The following ATAD1 variants were observed in gnomAD, a reference collection of about 807,000 sequenced individuals.
ATAD1 encodes outer mitochondrial transmembrane helix translocase.
ATAD1 carries 18 observed loss-of-function variants against 42.7 expected under a neutral mutation model. The observed-to-expected ratio is 0.42, with a 90% CI of 0.29 to 0.63. The LOEUF (loss-of-function observed/expected upper bound fraction) is 0.63, where lower values mean the gene tolerates loss of function less well. Among genes scored for constraint, ATAD1 ranks in the 20% least tolerant of loss-of-function variants. ATAD1 has a pLI of 0.19. For missense variants in ATAD1, 294 were observed against 440.4 expected (o/e 0.67, Z 2.98); for synonymous variants, 132 against 143.1 (o/e 0.92, Z 0.55).
At chr10:87,803,389 G>C (rs540771529) in intron 2 of ATAD1, among the ~76,000 whole-genome samples, 3 of 152,320 alleles carry the variant, frequency 2.0e-5, no homozygotes, top group African/African-American at 4.8e-5. Flanking sequence ...TCACTAAAGG[G>C]AAAAGTCAAG....
chr10:87,759,731 C>CTT (rs990173507), intron 8 of ATAD1: 1 of 455,346 alleles, frequency 2.2e-6, no homozygotes, highest in African/African-American at 2.0e-5. Context: ...TCCATCACTT[C>CTT]TTTGTGTAAT....
At chr10:87,824,267 A>G (rs1440662211) in intron 1 of ATAD1, among the ~76,000 whole-genome samples, 2 of 150,558 alleles carry the variant, frequency 1.3e-5, no homozygotes. Context: ...GTCCAAAGGT[A>G]TGACATACGA....
At chr10:87,799,232 T>C (rs1216548141) in intron 2 of ATAD1, among the ~76,000 whole-genome samples, 1 of 152,230 alleles carries the variant, frequency 6.6e-6, no homozygotes, top group Non-Finnish European at 1.5e-5. Context: ...CCCTGCAAAA[T>C]ACTATTAAGG....
At chr10:87,820,774 C>T (rs1404860402), upstream of ATAD1, among the ~76,000 whole-genome samples, 1 of 152,186 alleles carries the variant, frequency 6.6e-6, no homozygotes, top group Non-Finnish European at 1.5e-5. Flanking sequence ...AAGAAACCTT[C>T]CATGTCTGGG....
chr10:87,790,317 A>G lies in ATAD1; in HGVS notation c.375T>C (p.Pro125=). Residue 125 remains proline, a synonymous_variant, in exon 4 of 10, where the codon CCT becomes CCC. Transcript: ENST00000680024. ...TATATACCTTTACCATACCTTTTGG[A>G]GGCTGCAGAAGCCTGGAATTCTCAA... ...HLFENSRLLQ[P]PKGVLLYGPP... is the part of the protein sequence containing the mutation. 1 of 1,610,938 alleles carries G rather than the reference A, an allele frequency of 6.2e-7. No individual in the cohort carries two copies. The highest frequency in any genetic ancestry group is 8.5e-7 in the Non-Finnish European group (1 of 1,179,278).
intron 9 of ATAD1, among the ~76,000 whole-genome samples, chr10:87,756,305 A>G (rs1854220261): frequency 6.6e-6 from 1 of 152,208 alleles, no homozygotes; most frequent in Non-Finnish European, 1.5e-5. Context: ...CCTTTAGGAC[A>G]TGGTTCACCA....
chr10:87,812,075 G>A (rs1445618715), intron 2 of ATAD1, among the ~76,000 whole-genome samples: 1 of 151,902 alleles, frequency 6.6e-6, no homozygotes, highest in East Asian at 1.9e-4. Flanking sequence ...CATTCCTTTT[G>A]TCACCCTCTT....
chr10:87,761,134 A>C (rs1854466018), intron 8 of ATAD1, among the ~76,000 whole-genome samples: 1 of 152,176 alleles, frequency 6.6e-6, no homozygotes, highest in Non-Finnish European at 1.5e-5. Flanking sequence ...GACAGTGCTC[A>C]GTTTACCAAA....
chr10:87,821,743 C>G (rs1033309226), upstream of ATAD1, among the ~76,000 whole-genome samples: 2 of 152,156 alleles, frequency 1.3e-5, no homozygotes, highest in African/African-American at 4.8e-5. Flanking sequence ...GGAAGGATAC[C>G]CTCACCAGAC....
At chr10:87,783,343 G>A (rs1393083627) in intron 5 of ATAD1, among the ~76,000 whole-genome samples, 1 of 151,690 alleles carries the variant, frequency 6.6e-6, no homozygotes, top group African/African-American at 2.4e-5. Context: ...CTGCATTCCA[G>A]CCTGGGTAAC....
intron 3 of ATAD1, among the ~76,000 whole-genome samples, chr10:87,791,665 G>A (rs1440280638): frequency 6.6e-6 from 1 of 152,156 alleles, no homozygotes; most frequent in African/African-American, 2.4e-5. Context: ...TAGATATGGA[G>A]ATGGGACTAC....
chr10:87,770,879 C>T, intron 7 of ATAD1, 73 bp downstream of exon 7: 4 of 1,369,090 alleles, frequency 2.9e-6, no homozygotes, highest in African/African-American at 1.4e-5. Flanking sequence ...ATATTCCCTT[C>T]TTAAAATTAA....
intron 7 of ATAD1, among the ~76,000 whole-genome samples, chr10:87,768,582 A>C (rs1236884438): frequency 1.3e-5 from 2 of 152,228 alleles, no homozygotes; most frequent in Non-Finnish European, 2.9e-5. Flanking sequence ...AAGAAAAAAA[A>C]CTAACCTATA....
At chr10:87,790,288 C>A in intron 4 of ATAD1, 22 bp downstream of exon 4, 6 of 1,597,388 alleles carry the variant, frequency 3.8e-6, no homozygotes, top group Non-Finnish European at 5.1e-6. Flanking sequence ...ATGCTTTAGG[C>A]GAATATATAC....
rs182975424 is a variant in ATAD1 at position 87,833,572 on chromosome 10, C to T, written c.-14+7615G>A. On this transcript the variant is annotated intron_variant, in intron 1 of 4. Transcript: ENST00000495903. ...CCTTAATGGGTAGAATTCAGTCTTT[C>T]ACCACATAATATATTAGATGTTGGC... Among the ~76,000 whole-genome samples, 111 of 152,144 alleles carry T rather than the reference C, an allele frequency of 7.3e-4. 1 individual carries two copies. The highest frequency in any genetic ancestry group is 2.4e-3 in the African/African-American group (100 of 41,506).
chr10:87,838,156 G>T (rs2132120263), intron 1 of ATAD1, among the ~76,000 whole-genome samples: 1 of 152,234 alleles, frequency 6.6e-6, no homozygotes, highest in East Asian at 1.9e-4. Flanking sequence ...CAATTCACTT[G>T]GTACTTTTTA....
intron 2 of ATAD1, 56 bp from the exon 3 acceptor site, chr10:87,792,811 T>C (rs1048640955): frequency 7.9e-7 from 1 of 1,267,420 alleles, no homozygotes; most frequent in Non-Finnish European, 1.2e-6. Flanking sequence ...TACTGGCACT[T>C]CGAAATAGAT....
chr10:87,800,197 C>T (rs1856621146), intron 2 of ATAD1, among the ~76,000 whole-genome samples: 1 of 151,628 alleles, frequency 6.6e-6, no homozygotes, highest in Non-Finnish European at 1.5e-5. Flanking sequence ...TATATATATA[C>T]ACACACACTA....
intron 4 of ATAD1, among the ~76,000 whole-genome samples, chr10:87,786,335 A>G (rs911886825): frequency 1.3e-5 from 2 of 152,176 alleles, no homozygotes; most frequent in African/African-American, 2.4e-5. Flanking sequence ...TAGCTACTCT[A>G]CCACTTCATA....
Sources: allele counts gnomAD v4.1 joint callset (sites outside exome capture counted in the v4.1 genomes callset), GRCh38; gene constraint gnomAD v4.1.1; transcripts MANE v1.5; gene names NCBI Gene and HGNC (gene_info 2026-07-23, HGNC 2026-07-21).